Variants in GRID2 observed in about 807,000 individuals in gnomAD.
GRID2 encodes the protein glutamate ionotropic receptor delta type subunit 2, also known as glutamate receptor ionotropic, delta-2.
A neutral mutation model predicts 114.8 loss-of-function variants in GRID2; 33 were observed. That is an observed-to-expected ratio of 0.29 (90% CI 0.22 to 0.38). GRID2 has a LOEUF of 0.38. GRID2 is among the 10% of genes least tolerant of loss of function. The pLI, the probability that GRID2 is intolerant of heterozygous loss-of-function variation, is 1.00. For missense variants in GRID2, 1,184 were observed against 1,257.7 expected (o/e 0.94, Z 0.89); for synonymous variants, 505 against 449.9 (o/e 1.12, Z -1.55).
At chr4:93,472,184 C>A (rs1189088109) in intron 11 of GRID2, among the ~76,000 whole-genome samples, 1 of 151,546 alleles carries the variant, frequency 6.6e-6, no homozygotes, top group Non-Finnish European at 1.5e-5. Context: ...ATTAGCCAAG[C>A]ATGGTGGCGC....
At chr4:92,646,590 G>A (rs944002459) in intron 2 of GRID2, among the ~76,000 whole-genome samples, 25 of 152,308 alleles carry the variant, frequency 1.6e-4, no homozygotes, top group East Asian at 5.8e-4. Flanking sequence ...TAACCCATCC[G>A]GAATTATTTT....
chr4:93,412,727 T>A (rs532438638), intron 9 of GRID2, among the ~76,000 whole-genome samples: 23 of 152,276 alleles, frequency 1.5e-4, no homozygotes, highest in Middle Eastern at 3.4e-3. Context: ...TAGGTATTTG[T>A]CTTAATGCTC....
chr4:92,806,471 A>AT (rs547671423), intron 2 of GRID2, among the ~76,000 whole-genome samples: 2 of 151,772 alleles, frequency 1.3e-5, no homozygotes, highest in East Asian at 1.9e-4. Flanking sequence ...CCTAGTATGT[A>AT]TTTTTTTAAG....
chr4:93,077,551 A>C (rs1447492386), intron 2 of GRID2, among the ~76,000 whole-genome samples: 6 of 152,192 alleles, frequency 3.9e-5, no homozygotes, highest in Non-Finnish European at 7.4e-5. Flanking sequence ...ATGATTAAAA[A>C]GTTTTAAAGA....
intron 8 of GRID2, among the ~76,000 whole-genome samples, chr4:93,355,960 T>C (rs1348840737): frequency 6.6e-6 from 1 of 152,052 alleles, no homozygotes; most frequent in Admixed American, 6.6e-5. Flanking sequence ...CCTCATTAAT[T>C]ATTACCCAGA....
chr4:92,707,584 A>C (rs1735012820), intron 2 of GRID2, among the ~76,000 whole-genome samples: 1 of 152,182 alleles, frequency 6.6e-6, no homozygotes, highest in African/African-American at 2.4e-5. Context: ...TTAACGTGGA[A>C]AGATTTATTT....
chr4:93,307,433 A>G (rs895896420), intron 8 of GRID2, among the ~76,000 whole-genome samples: 3 of 151,970 alleles, frequency 2.0e-5, no homozygotes, highest in Non-Finnish European at 2.9e-5. Context: ...GACCTAAACA[A>G]TCTTAGAATG....
At chr4:93,425,219 T>C (rs1768723774) in intron 10 of GRID2, among the ~76,000 whole-genome samples, 1 of 152,194 alleles carries the variant, frequency 6.6e-6, no homozygotes, top group South Asian at 2.1e-4. Context: ...GACTTCGTGG[T>C]TGATACATTG....
intron 1 of GRID2, among the ~76,000 whole-genome samples, chr4:92,540,884 T>G (rs13151722): frequency 1.3e-5 from 2 of 151,090 alleles, no homozygotes; most frequent in African/African-American, 2.4e-5. Context: ...CAAAGACTTG[T>G]GACCAACCCA....
intron 1 of GRID2, among the ~76,000 whole-genome samples, chr4:92,408,715 A>G (rs568210336): frequency 6.6e-6 from 1 of 151,614 alleles, no homozygotes; most frequent in Admixed American, 6.6e-5. Context: ...ATAAACTCCT[A>G]GGTATTTCAT....
chr4:93,188,883 C>T (rs2149444733), intron 4 of GRID2, among the ~76,000 whole-genome samples: 1 of 152,204 alleles, frequency 6.6e-6, no homozygotes, highest in African/African-American at 2.4e-5. Flanking sequence ...CTCAAGTTTC[C>T]AATGACATGT....
chr4:92,663,264 T>C (rs1732605457), intron 2 of GRID2, among the ~76,000 whole-genome samples: 1 of 151,164 alleles, frequency 6.6e-6, no homozygotes, highest in African/African-American at 2.4e-5. Flanking sequence ...AGTATCATCT[T>C]TGCTAATAAG....
At chr4:93,101,244 C>T (rs1204423194) in intron 3 of GRID2, among the ~76,000 whole-genome samples, 1 of 151,980 alleles carries the variant, frequency 6.6e-6, no homozygotes, top group East Asian at 1.9e-4. Context: ...ATATCCATCA[C>T]CTTAAATATT....
Position 93,403,608 on chromosome 4 carries a change from A to AGTAAGCAAAT in GRID2, c.1347+7902_1347+7911dup, listed in dbSNP as rs1442127144. Among the ~76,000 whole-genome samples the AGTAAGCAAAT allele has an allele frequency of 7.2e-5, 11 of 152,326 alleles. No homozygotes were observed. In the East Asian group the frequency reaches 1.7e-3, roughly 24 times the overall value. ...TGAAGATATATTTATATAAATGGTC[A>AGTAAGCAAAT]GTAAGCAAATGAAGAGATGCTCAGC... On this transcript the variant is annotated intron_variant, in intron 9 of 15. Transcript: ENST00000282020.
At chr4:93,101,955 T>G (rs1295413247) in intron 3 of GRID2, among the ~76,000 whole-genome samples, 1 of 152,162 alleles carries the variant, frequency 6.6e-6, no homozygotes, top group Non-Finnish European at 1.5e-5. Flanking sequence ...TATCATTTCC[T>G]GTTTAAATGT....
At chr4:92,746,909 C>T (rs770904967) in intron 2 of GRID2, among the ~76,000 whole-genome samples, 8 of 152,076 alleles carry the variant, frequency 5.3e-5, no homozygotes, top group Non-Finnish European at 8.8e-5. Flanking sequence ...TCCCAGAAAT[C>T]TTCACCAATT....
At chr4:92,888,441 A>C (rs1275549527) in intron 2 of GRID2, among the ~76,000 whole-genome samples, 4 of 152,092 alleles carry the variant, frequency 2.6e-5, no homozygotes, top group Non-Finnish European at 4.4e-5. Context: ...AATTTTCAAC[A>C]CCTTTCTGCT....
rs1267123226 is a variant in GRID2 at position 93,588,237 on chromosome 4, A to C, written c.2194-38032A>C. Among the ~76,000 whole-genome samples the C allele has an allele frequency of 3.3e-5, 5 of 152,156 alleles. No individual in the cohort carries two copies. The East Asian group carries it at 9.6e-4, about 29-fold the overall frequency. ...AAAAAGAAGAAAGGGGGAGGGAAGG[A>C]GGGAGAGACAGACATTATTTTTAAA... On this transcript the variant is annotated intron_variant, in intron 13 of 15. Coordinates refer to ENST00000282020, the MANE Select transcript of GRID2 (RefSeq NM_001510.4).
At chr4:93,598,351 TA>T (rs1301459749) in intron 13 of GRID2, among the ~76,000 whole-genome samples, 1 of 152,136 alleles carries the variant, frequency 6.6e-6, no homozygotes, top group Non-Finnish European at 1.5e-5. Context: ...TTTCATTCTT[TA>T]TCTCTCTTTC....
Sources: allele counts gnomAD v4.1 joint callset (sites outside exome capture counted in the v4.1 genomes callset), GRCh38; gene constraint gnomAD v4.1.1; transcripts MANE v1.5; gene names NCBI Gene and HGNC (gene_info 2026-07-23, HGNC 2026-07-21).